Variants in LMNTD2 observed in about 807,000 individuals in gnomAD.
LMNTD2 encodes lamin tail domain-containing protein 2.
A neutral mutation model predicts 70.1 loss-of-function variants in LMNTD2; 83 were observed. The ratio of observed to expected loss-of-function variants is 1.18; its 90% confidence interval spans 0.99 to 1.42. LMNTD2 has a LOEUF of 1.42. Ranked by LOEUF, LMNTD2 falls within the 40% of genes most tolerant of loss-of-function variation. The pLI, the probability that LMNTD2 is intolerant of heterozygous loss-of-function variation, is 0.00. For synonymous variants in LMNTD2, 534 were observed against 406.1 expected, an observed-to-expected ratio of 1.31 and a Z score of -3.79; for missense variants, 1,153 against 905.9, an observed-to-expected ratio of 1.27 and a Z score of -3.50.
intron 1 of LMNTD2, 182 bp downstream of exon 1, chr11:560,501 C>T: frequency 7.9e-7 from 1 of 1,267,690 alleles, no homozygotes; most frequent in Non-Finnish European, 1.0e-6. Context: ...CGCGTCCAGA[C>T]TACTGCAGCT....
chr11:556,616 G>A, intron 8 of LMNTD2, 28 bp from the exon 9 acceptor site: 4 of 1,482,062 alleles, frequency 2.7e-6, no homozygotes, highest in Non-Finnish European at 3.6e-6. Context: ...TTTGGGGAGG[G>A]GACCCTCGAA....
Position 556,376 on chromosome 11 carries a change from C to T in LMNTD2, c.1074-1G>A. On this transcript the variant is annotated splice_acceptor_variant, in intron 9 of 13. Transcript: ENST00000329451. LOFTEE classifies it high-confidence loss of function. ...AGCCACGATCTTCAGGCCTGTCGGG[C>T]TGGGAAGAGAGGAGACGCTGTGAGG... is the stretch of plus-strand genomic sequence containing the variant. 3 of 1,536,080 alleles carry T rather than the reference C, an allele frequency of 2.0e-6. No homozygotes were observed. The highest frequency in any genetic ancestry group is 1.7e-6 in the Non-Finnish European group (2 of 1,145,646).
chr11:559,214 C>T (rs768877340), intron 1 of LMNTD2: 22 of 1,480,288 alleles, frequency 1.5e-5, no homozygotes, highest in African/African-American at 9.8e-5. Flanking sequence ...ACCAGGCTGG[C>T]GCAGCAGGTC....
At chr11:558,529 C>G in intron 3 of LMNTD2, 85 bp downstream of exon 3, 6 of 1,457,090 alleles carry the variant, frequency 4.1e-6, no homozygotes, top group Non-Finnish European at 5.5e-6. Context: ...TCTGCCTCAG[C>G]GGTTGGGGTT....
chr11:557,803 C>T (rs546287594), intron 5 of LMNTD2, 81 bp downstream of exon 5: 54 of 1,513,916 alleles, frequency 3.6e-5, no homozygotes, highest in African/African-American at 5.5e-5. Context: ...CAGGCCAGGG[C>T]GCCCCAGCAG....
In LMNTD2 at chr11:554,887, G is replaced by A. The variant is rs1207149814; in HGVS notation, c.*93C>T. ...AAATGCGGTTTACTTTGTAGGCCAC[G>A]TTGGTTCAATAAATGATGCAGCGGA... is the stretch of plus-strand genomic sequence containing the variant. On this transcript the variant is annotated 3_prime_UTR_variant, in exon 14 of 14. Coordinates refer to ENST00000329451, the MANE Select transcript of LMNTD2 (RefSeq NM_173573.3). 3 of 881,610 alleles carry A rather than the reference G, an allele frequency of 3.4e-6. No homozygotes were observed. Among genetic ancestry groups the A allele is most frequent in the Non-Finnish European group, 4.9e-6 (3 of 615,092 alleles). The allele number at this position is 881,610 out of a possible 1,614,324, so 54.6% of individuals were successfully genotyped here.
chr11:558,166 G>A lies in LMNTD2; in HGVS notation c.394C>T (p.Gln132Ter). The change falls in exon 4 of 14, where the codon CAG (glutamine) becomes TAG (stop). Residue 132 changes from glutamine (Q) to a stop codon, truncating the protein, a stop_gained. Transcript: ENST00000329451. LOFTEE classifies it high-confidence loss of function. ...TCCCTGTGCCCCTGCCTCACCCACT[G>A]GGCTCGCTCCTTCTGTTCCTTCAAC... ...QELKEQKERAQWEKEHLEERL... is the reference protein window; with the variant it reads ...QELKEQKERA 6.2e-7 allele frequency: 1 copy of A among 1,613,416 alleles called. No individual in the cohort carries two copies. Among genetic ancestry groups the A allele is most frequent in the Non-Finnish European group, 8.5e-7 (1 of 1,179,844 alleles).
chr11:555,274 G>C, intron 13 of LMNTD2, 31 bp downstream of exon 13: 1 of 1,362,672 alleles, frequency 7.3e-7, no homozygotes, highest in Non-Finnish European at 9.4e-7. Context: ...AGGAGGGAGA[G>C]GAGGGGGCGC....
At chr11:555,137 G>A (rs781712695) in intron 13 of LMNTD2, 26 bp from the exon 14 acceptor site, 1 of 1,196,280 alleles carries the variant, frequency 8.4e-7, no homozygotes, top group Admixed American at 3.6e-5. Flanking sequence ...GCTGAGAGGC[G>A]CGCGGGGCGG....
chr11:557,464 A>T lies in LMNTD2; in HGVS notation c.648T>A (p.Asp216Glu). 6.2e-7 allele frequency: 1 copy of T among 1,610,976 alleles called. No homozygotes were observed. Among genetic ancestry groups the T allele is most frequent in the Admixed American group, 1.7e-5 (1 of 59,648 alleles). Residue 216 changes from aspartate (D) to glutamate (E), a missense_variant, in exon 7 of 14, where the codon GAT becomes GAA. By Grantham distance (45) the Asp-to-Glu change is conservative (BLOSUM62 2). Coordinates refer to ENST00000329451, the MANE Select transcript of LMNTD2 (RefSeq NM_173573.3). ...GATACCGGCGGGCAACGCTGTTCCA[A>T]TCCACGTCCTCCAGCCGAAAGCCCT... ...TGEGFRLEDV[D>E]WNSVARRYPN...
intron 7 of LMNTD2, 74 bp from the exon 8 acceptor site, chr11:557,171 C>T (rs1852943066): frequency 1.3e-6 from 2 of 1,487,582 alleles, no homozygotes; most frequent in Non-Finnish European, 9.0e-7. Flanking sequence ...CCTCACAAGG[C>T]AGTGCAGCAG....
rs11246185 is a variant in LMNTD2 at position 556,785 on chromosome 11, G to C, written c.976+50C>G. The C allele has an allele frequency of 7.9e-3, 11,801 of 1,498,216 alleles. 61 individuals are homozygous for C. Among genetic ancestry groups the C allele is most frequent in the Admixed American group, 0.012 (570 of 46,960 alleles). 92.8% of individuals were successfully genotyped at this position (1,498,216 alleles called of 1,614,324 possible). ...CTCTGAGTGAGATCACAGCTCTGAG[G>C]GGGTGGAGGGTGGGTGAAGGGTAAC... On this transcript the variant is annotated intron_variant, in intron 8 of 13. Transcript: ENST00000329451.
At chr11:559,502 G>T (rs1853144984) in intron 1 of LMNTD2, 1 of 1,280,706 alleles carries the variant, frequency 7.8e-7, no homozygotes, top group Non-Finnish European at 1.0e-6. Context: ...GCCCAGCCTG[G>T]AGGAGGTGTG....
chr11:556,394 C>A lies in LMNTD2; in HGVS notation c.1074-19G>T. 1 of 1,538,480 alleles carries A rather than the reference C, an allele frequency of 6.5e-7. No homozygotes were observed. Among genetic ancestry groups the A allele is most frequent in the Non-Finnish European group, 8.7e-7 (1 of 1,145,766 alleles). On this transcript the variant is annotated intron_variant, in intron 9 of 13. Transcript: ENST00000329451. ...TGTCGGGCTGGGAAGAGAGGAGACG[C>A]TGTGAGGAGATGCGGCCGGTCCACC... is the stretch of plus-strand genomic sequence containing the variant.
chr11:556,259 C>T lies in LMNTD2; in HGVS notation c.1190G>A (p.Arg397His). ...GCGGTACAGGCGCTCCGGGAAGCCG[C>T]GCACCAGCTGCTTCAGCACCATGCC... ...LSGMVLKQLV[R>H]GFPERLYRFP... is the part of the protein sequence containing the mutation. The change falls in exon 10 of 14, where the codon CGC (arginine) becomes CAC (histidine). Residue 397 changes from arginine (R) to histidine (H), a missense_variant. Transcript: ENST00000329451. 3 of 1,531,138 alleles carry T rather than the reference C, an allele frequency of 2.0e-6. No individual in the cohort carries two copies. Among genetic ancestry groups the T allele is most frequent in the Non-Finnish European group, 1.7e-6 (2 of 1,144,788 alleles). 94.8% of individuals were successfully genotyped at this position (1,531,138 alleles called of 1,614,324 possible). A position where few individuals can be genotyped will look rare whatever the true frequency, so the allele number is the denominator to read the frequency against.
Position 557,499 on chromosome 11 carries a change from G to A in LMNTD2, c.625-12C>T, listed in dbSNP as rs1206288796. The A allele has an allele frequency of 6.2e-7, 1 of 1,613,138 alleles. No individual in the cohort carries two copies. On this transcript the variant is annotated splice_polypyrimidine_tract_variant and intron_variant, in intron 6 of 13. Transcript: ENST00000329451. ...TCCAGCCGAAAGCCCTGGCCAGGAAGCAAGAGGCACATGGTCCTCCCCTCC... is the reference window on the plus strand; with the variant it reads ...TCCAGCCGAAAGCCCTGGCCAGGAAACAAGAGGCACATGGTCCTCCCCTCC...
At position 555,126 on chromosome 11, in the gene LMNTD2, G is replaced by T. The variant is rs1852709974; in HGVS notation, c.1774-15C>A. 1 of 1,390,846 alleles carries T rather than the reference G, an allele frequency of 7.2e-7. No homozygotes were observed. Among genetic ancestry groups the T allele is most frequent in the Admixed American group, 2.8e-5 (1 of 35,268 alleles). 86.2% of individuals were successfully genotyped at this position (1,390,846 alleles called of 1,614,324 possible). The stretch of plus-strand genomic sequence containing the variant: ...TTCCGGCACACCTGGGGGGCGCGGG[G>T]GCTGAGAGGCGCGCGGGGCGGGGCG... On this transcript the variant is annotated splice_polypyrimidine_tract_variant and intron_variant, in intron 13 of 13. Transcript: ENST00000329451.
intron 1 of LMNTD2, chr11:560,421 G>A (rs1248389071): frequency 1.9e-5 from 24 of 1,235,010 alleles, no homozygotes; most frequent in Non-Finnish European, 2.2e-5. Context: ...CCAGGACTCT[G>A]CGCCCGCCAG....
Position 554,992 on chromosome 11 carries a change from G to C in LMNTD2, c.1893C>G (p.Cys631Trp). The change falls in exon 14 of 14, where the codon TGC becomes TGG. Residue 631 changes from cysteine to tryptophan, a missense_variant. Cys to Trp is a radical substitution (Grantham distance 215, BLOSUM62 -2). Transcript: ENST00000329451. ...LSCLPVTADTCRGA is the reference protein window; with the variant it reads ...LSCLPVTADTWRGA ...CACTCCTCCGCCCCTAGGCGCCGCG[G>C]CAGGTGTCCGCGGTGACCGGCAGGC... is the stretch of plus-strand genomic sequence containing the variant. 6.3e-7 allele frequency: 1 copy of C among 1,585,294 alleles called. No homozygotes were observed. The highest frequency in any genetic ancestry group is 8.5e-7 in the Non-Finnish European group (1 of 1,169,658).
Sources: allele counts gnomAD v4.1 joint callset, GRCh38; gene constraint gnomAD v4.1.1; transcripts MANE v1.5; gene names NCBI Gene and HGNC (gene_info 2026-07-23, HGNC 2026-07-21).